The following WFIKKN1 variants were observed in gnomAD, a reference collection of about 807,000 sequenced individuals.
The protein encoded by WFIKKN1 is WAP, follistatin/kazal, immunoglobulin, kunitz and netrin domain containing 1.
Under a neutral mutation model 4.6 loss-of-function variants are expected in WFIKKN1, and 6 were observed. The observed-to-expected ratio is 1.31, with a 90% confidence interval of 0.72 to 2.59. WFIKKN1 has a LOEUF of 2.59. Ranked by LOEUF, WFIKKN1 falls within the 30% of genes most tolerant of loss-of-function variation. The pLI is 0.00. For missense variants in WFIKKN1, 964 were observed against 818.0 expected (o/e 1.18, Z -2.18); for synonymous variants, 468 against 367.4 (o/e 1.27, Z -3.13).
chr16:632,524 G>A, intron 1 of WFIKKN1, 58 bp from the exon 2 acceptor site: 1 of 1,434,360 alleles, frequency 7.0e-7, no homozygotes, highest in Non-Finnish European at 9.2e-7. Flanking sequence ...CAGGGGCCAG[G>A]CCAGAGCCCC....
Position 632,919 on chromosome 16 carries a change from C to G in WFIKKN1, c.509C>G (p.Pro170Arg), listed in dbSNP as rs746301177. The G allele has an allele frequency of 6.4e-7, 1 of 1,559,942 alleles. No individual in the cohort carries two copies. Among genetic ancestry groups the G allele is most frequent in the African/African-American group, 1.4e-5 (1 of 73,182 alleles). Residue 170 changes from proline to arginine, a missense_variant, in exon 2 of 2, where the codon CCG (proline) becomes CGG (arginine). Physicochemically the swap from Pro to Arg is moderately radical, Grantham distance 103. Coordinates refer to ENST00000319070, the MANE Select transcript of WFIKKN1 (RefSeq NM_053284.3). ...AGCTGGCCGCCCAGCAGCCCGGGGCCGCCGGAGACCACTGCCCGCCCCACA... is the reference window on the plus strand; with the variant it reads ...AGCTGGCCGCCCAGCAGCCCGGGGCGGCCGGAGACCACTGCCCGCCCCACA... ...VLSWPPSSPG[P>R]PETTARPTPG... is the part of the protein sequence containing the mutation.
chr16:633,291 C>T lies in WFIKKN1; in HGVS notation c.881C>T (p.Pro294Leu). 1.3e-6 allele frequency: 2 copies of T among 1,587,016 alleles called. No homozygotes were observed. Among genetic ancestry groups the T allele is most frequent in the Non-Finnish European group, 8.5e-7 (1 of 1,171,088 alleles). The change falls in exon 2 of 2, where the codon CCA (proline) becomes CTA (leucine). Residue 294 changes from proline (P) to leucine (L), a missense_variant. Physicochemically the swap from Pro to Leu is moderately conservative, Grantham distance 98. Coordinates refer to ENST00000319070, the MANE Select transcript of WFIKKN1 (RefSeq NM_053284.3). ...GCCAGGGACGCAGCCCCCAGCATCC[C>T]AGCCCCGGCCGAGTGCCTGCCGGAT... ...EPARDAAPSI[P>L]APAECLPDVQ...
chr16:631,164 G>A lies in WFIKKN1; in HGVS notation c.-90G>A, dbSNP rs952790091. 12 of 1,423,024 alleles carry A rather than the reference G, an allele frequency of 8.4e-6. No homozygotes were observed. In the African/African-American group the frequency reaches 1.6e-4, roughly 19 times the overall value. The allele number at this position is 1,423,024 out of a possible 1,614,324, so 88.1% of individuals were successfully genotyped here. The stretch of plus-strand genomic sequence containing the variant: ...GGTGGGGGCACCGACCACAGGCCCG[G>A]AGGGTGGATGCCTGCAGGAAGCTGG... On this transcript the variant is annotated 5_prime_UTR_variant, in exon 1 of 2. Transcript: ENST00000319070.
Position 633,442 on chromosome 16 carries a change from C to G in WFIKKN1, c.1032C>G (p.Tyr344Ter), listed in dbSNP as rs1209328346. 1 of 1,544,794 alleles carries G rather than the reference C, an allele frequency of 6.5e-7. No individual in the cohort carries two copies. Among genetic ancestry groups the G allele is most frequent in the Non-Finnish European group, 8.7e-7 (1 of 1,153,434 alleles). The part of the protein sequence containing the change: ...CDGAARGFET[Y>*]EACQQACARG... ...GGGCGGCCCGCGGCTTTGAGACCTA[C>G]GAGGCATGCCAGCAGGCCTGTGCCC... Residue 344 changes from tyrosine (Y) to a stop codon, truncating the protein, a stop_gained, in exon 2 of 2, where the codon TAC becomes TAG. Coordinates refer to ENST00000319070, the MANE Select transcript of WFIKKN1 (RefSeq NM_053284.3). LOFTEE classifies it low-confidence loss of function (END_TRUNC).
rs1168242962 is a variant in WFIKKN1 at position 633,899 on chromosome 16, G to A, written c.1489G>A (p.Gly497Ser). ...WACPCPNMTA[G>S]DGPLVIMGEV... ...CTGCCCCTGCCCCAACATGACGGCGGGCGACGGGCCGCTGGTCATCATGGG... is the reference window on the plus strand; with the variant it reads ...CTGCCCCTGCCCCAACATGACGGCGAGCGACGGGCCGCTGGTCATCATGGG... Residue 497 changes from glycine (G) to serine (S), a missense_variant, in exon 2 of 2, where the codon GGC becomes AGC. Coordinates refer to ENST00000319070, the MANE Select transcript of WFIKKN1 (RefSeq NM_053284.3). 2.5e-6 allele frequency: 4 copies of A among 1,593,692 alleles called. No homozygotes were observed. Among genetic ancestry groups the A allele is most frequent in the Non-Finnish European group, 3.4e-6 (4 of 1,171,096 alleles).
rs762521285 is a variant in WFIKKN1 at position 632,822 on chromosome 16, C to G, written c.412C>G (p.Arg138Gly). 3.1e-6 allele frequency: 5 copies of G among 1,588,816 alleles called. 1 individual carries two copies. In the South Asian group the frequency reaches 4.6e-5, roughly 15 times the overall value. Residue 138 changes from arginine to glycine, a missense_variant, in exon 2 of 2, where the codon CGC becomes GGC. Coordinates refer to ENST00000319070, the MANE Select transcript of WFIKKN1 (RefSeq NM_053284.3). ...CTCGGACGGCCTCACCTACTACAAC[C>G]GCTGCTATATGGACGCCGAGGCCTG... ...CASDGLTYYN[R>G]CYMDAEACLR...
rs2036992226 is a variant in WFIKKN1, at chr16:633,922, G to T, written c.1512G>T (p.Met504Ile). 6.3e-7 allele frequency: 1 copy of T among 1,595,300 alleles called. No homozygotes were observed. Among genetic ancestry groups the T allele is most frequent in the East Asian group, 2.3e-5 (1 of 43,548 alleles). ...MTAGDGPLVI[M>I]GEVRDGVAVL... The stretch of plus-strand genomic sequence containing the variant: ...CGGGCGACGGGCCGCTGGTCATCAT[G>T]GGTGAGGTGCGCGATGGCGTGGCCG... Residue 504 changes from methionine to isoleucine, a missense_variant, in exon 2 of 2, where the codon ATG becomes ATT. Transcript: ENST00000319070.
At chr16:631,629 A>C in intron 1 of WFIKKN1, 2 of 413,524 alleles carry the variant, frequency 4.8e-6, no homozygotes, top group East Asian at 4.4e-5. Flanking sequence ...CATGCTCCCC[A>C]TGTGCCTCCA....
Position 633,543 on chromosome 16 carries a change from G to A in WFIKKN1, c.1133G>A (p.Ser378Asn). The A allele has an allele frequency of 6.5e-7, 1 of 1,532,832 alleles. No individual in the cohort carries two copies. The highest frequency in any genetic ancestry group is 8.7e-7 in the Non-Finnish European group (1 of 1,148,344). 95.0% of individuals were successfully genotyped at this position (1,532,832 alleles called of 1,614,324 possible). A position where few individuals can be genotyped will look rare whatever the true frequency, so the allele number is the denominator to read the frequency against. ...CRGWEPRWAY[S>N]PLLQQCHPFV... ...GGCTGGGAGCCGCGCTGGGCCTACA[G>A]CCCGCTGCTGCAGCAGTGCCATCCC... Residue 378 changes from serine (S) to asparagine (N), a missense_variant, in exon 2 of 2, where the codon AGC becomes AAC. Transcript: ENST00000319070.
In WFIKKN1 at chr16:633,578, G is replaced by A. The variant is rs765346881; in HGVS notation, c.1168G>A (p.Gly390Ser). The change falls in exon 2 of 2, where the codon GGT becomes AGT. Residue 390 changes from glycine to serine, a missense_variant. Physicochemically the swap from Gly to Ser is moderately conservative, Grantham distance 56. Transcript: ENST00000319070. ...GCAGCAGTGCCATCCCTTCGTGTACGGTGGCTGCGAGGGCAACGGCAACAA... is the reference window on the plus strand; with the variant it reads ...GCAGCAGTGCCATCCCTTCGTGTACAGTGGCTGCGAGGGCAACGGCAACAA... The part of the protein sequence containing the change: ...LLQQCHPFVY[G>S]GCEGNGNNFH... The A allele has an allele frequency of 3.2e-6, 5 of 1,567,104 alleles. No homozygotes were observed. In the African/African-American group the frequency reaches 4.2e-5, roughly 13 times the overall value.
At position 633,764 on chromosome 16, in the gene WFIKKN1, G is replaced by A. The variant is rs761997933; in HGVS notation, c.1354G>A (p.Gly452Ser). 1.5e-5 allele frequency: 24 copies of A among 1,596,760 alleles called. No homozygotes were observed. The highest frequency in any genetic ancestry group is 2.0e-5 in the Non-Finnish European group (23 of 1,172,526). ...GGTGCTGGAGGAGCCCGAGGCCGCC[G>A]GCGGCATCGCCCGCGTGGCGCTCGA... ...TEVLEEPEAA[G>S]GIARVALEDV... The change falls in exon 2 of 2, where the codon GGC becomes AGC. Residue 452 changes from glycine (G) to serine (S), a missense_variant. Transcript: ENST00000319070.
chr16:633,181 C>T lies in WFIKKN1; in HGVS notation c.771C>T (p.Asp257=), dbSNP rs376644187. 2.4e-5 allele frequency: 39 copies of T among 1,595,946 alleles called. No individual in the cohort carries two copies. Among genetic ancestry groups the T allele is most frequent in the East Asian group, 4.5e-5 (2 of 44,294 alleles). ...QLVLYNARPE[D]AGLYTCTARN... is the part of the protein sequence containing the mutation. ...TGCTCTACAACGCGCGGCCCGAAGA[C>T]GCCGGCCTGTACACCTGCACCGCGC... Residue 257 remains aspartate (D), a synonymous_variant, in exon 2 of 2, where the codon GAC becomes GAT. Coordinates refer to ENST00000319070, the MANE Select transcript of WFIKKN1 (RefSeq NM_053284.3).
rs1429704108 is a variant in WFIKKN1 at position 633,269 on chromosome 16, A to G, written c.859A>G (p.Arg287Gly). Residue 287 changes from arginine (R) to glycine (G), a missense_variant, in exon 2 of 2, where the codon AGG becomes GGG. Transcript: ENST00000319070. The part of the protein sequence containing the change: ...PLSVVQREPA[R>G]DAAPSIPAPA... ...CTCTGTGGTCCAGCGAGAGCCGGCC[A>G]GGGACGCAGCCCCCAGCATCCCAGC... 5 of 1,583,208 alleles carry G rather than the reference A, an allele frequency of 3.2e-6. No individual in the cohort carries two copies. The East Asian group carries it at 1.2e-4, about 37-fold the overall frequency.
In WFIKKN1 at chr16:633,246, C is replaced by G; in HGVS notation, c.836C>G (p.Ser279Cys). The change falls in exon 2 of 2, where the codon TCT becomes TGT. Residue 279 changes from serine (S) to cysteine (C), a missense_variant. Transcript: ENST00000319070. ...AGLLRADFPLSVVQREPARDA... is the reference protein window; with the variant it reads ...AGLLRADFPLCVVQREPARDA... ...CTGCTGCGGGCTGACTTCCCACTCT[C>G]TGTGGTCCAGCGAGAGCCGGCCAGG... 6.3e-7 allele frequency: 1 copy of G among 1,587,570 alleles called. No individual in the cohort carries two copies. Among genetic ancestry groups the G allele is most frequent in the South Asian group, 1.1e-5 (1 of 88,076 alleles).
rs569482474 is a variant in WFIKKN1 at position 633,528 on chromosome 16, C to A, written c.1118C>A (p.Pro373Gln). The change falls in exon 2 of 2, where the codon CCG (proline) becomes CAG (glutamine). Residue 373 changes from proline (P) to glutamine (Q), a missense_variant. Coordinates refer to ENST00000319070, the MANE Select transcript of WFIKKN1 (RefSeq NM_053284.3). ...CAGGGCCCCTGCCGGGGCTGGGAGC[C>A]GCGCTGGGCCTACAGCCCGCTGCTG... ...AVQGPCRGWEPRWAYSPLLQQ... is the reference protein window; with the variant it reads ...AVQGPCRGWEQRWAYSPLLQQ... The A allele has an allele frequency of 6.6e-7, 1 of 1,508,760 alleles. No homozygotes were observed. Among genetic ancestry groups the A allele is most frequent in the Non-Finnish European group, 8.8e-7 (1 of 1,138,362 alleles). 93.5% of individuals were successfully genotyped at this position (1,508,760 alleles called of 1,614,324 possible).
In WFIKKN1 at chr16:631,932, C is replaced by T. The variant is rs548972789; in HGVS notation, c.171+508C>T. ...GCCTCTCCTTCCATCCTCTCCTATCCACTCCTCCCATCCACTTTTTCCATC... is the reference window on the plus strand; with the variant it reads ...GCCTCTCCTTCCATCCTCTCCTATCTACTCCTCCCATCCACTTTTTCCATC... On this transcript the variant is annotated intron_variant, in intron 1 of 1. Transcript: ENST00000319070. The T allele has an allele frequency of 1.8e-3, 248 of 135,464 alleles. 6 individuals carry two copies. The highest frequency in any genetic ancestry group is 3.1e-3 in the Non-Finnish European group (199 of 64,812). 8.4% of individuals were successfully genotyped at this position (135,464 alleles called of 1,614,324 possible).
Position 633,285 on chromosome 16 carries a change from G to T in WFIKKN1, c.875G>T (p.Ser292Ile), listed in dbSNP as rs1382792207. Residue 292 changes from serine to isoleucine, a missense_variant, in exon 2 of 2, where the codon AGC becomes ATC. Physicochemically the swap from Ser to Ile is moderately radical, Grantham distance 142. Coordinates refer to ENST00000319070, the MANE Select transcript of WFIKKN1 (RefSeq NM_053284.3). ...QREPARDAAP[S>I]IPAPAECLPD... ...GAGCCGGCCAGGGACGCAGCCCCCA[G>T]CATCCCAGCCCCGGCCGAGTGCCTG... 6.3e-7 allele frequency: 1 copy of T among 1,585,182 alleles called. No homozygotes were observed. The highest frequency in any genetic ancestry group is 8.5e-7 in the Non-Finnish European group (1 of 1,169,872).
chr16:633,746 G>C lies in WFIKKN1; in HGVS notation c.1336G>C (p.Glu446Gln). 1.3e-6 allele frequency: 2 copies of C among 1,591,098 alleles called. No homozygotes were observed. Among genetic ancestry groups the C allele is most frequent in the Non-Finnish European group, 1.7e-6 (2 of 1,169,562 alleles). ...CGTGGGGCGGCTCACGGAGGTGCTG[G>C]AGGAGCCCGAGGCCGCCGGCGGCAT... is the stretch of plus-strand genomic sequence containing the variant. ...AIVGRLTEVL[E>Q]EPEAAGGIAR... The change falls in exon 2 of 2, where the codon GAG becomes CAG. Residue 446 changes from glutamate to glutamine, a missense_variant. Transcript: ENST00000319070.
chr16:631,260 G>A lies in WFIKKN1; in HGVS notation c.7G>A (p.Ala3Thr), dbSNP rs376127399. The A allele has an allele frequency of 1.8e-4, 285 of 1,561,354 alleles. 1 individual carries two copies. The highest frequency in any genetic ancestry group is 2.3e-4 in the Non-Finnish European group (271 of 1,162,388). Residue 3 changes from alanine (A) to threonine (T), a missense_variant, in exon 1 of 2, where the codon GCC (alanine) becomes ACC (threonine). By Grantham distance (58) the Ala-to-Thr change is moderately conservative. Coordinates refer to ENST00000319070, the MANE Select transcript of WFIKKN1 (RefSeq NM_053284.3). Reference sequence around the variant, plus strand: ...CCCTGGCTCGGCGGCCCTCATGCCCGCCCTACGTCCACTCCTGCCGCTCCT... The same window carrying A: ...CCCTGGCTCGGCGGCCCTCATGCCCACCCTACGTCCACTCCTGCCGCTCCT... MP[A>T]LRPLLPLLLL...
Sources: gnomAD v4.1 joint callset for allele counts on GRCh38, gnomAD v4.1.1 for gene constraint, MANE v1.5 for transcripts, NCBI Gene and HGNC (gene_info 2026-07-23, HGNC 2026-07-21) for gene names.